Variants in GLIS1 observed in about 807,000 individuals in gnomAD.
GLIS1 encodes the protein GLIS family zinc finger 1.
GLIS1 carries 24 observed loss-of-function variants against 63.8 expected under a neutral mutation model. The ratio of observed to expected loss-of-function variants is 0.38; its 90% CI spans 0.27 to 0.53. The LOEUF is 0.53. Ranked by LOEUF, GLIS1 falls within the 20% of genes least tolerant of loss-of-function variation. The probability of loss-of-function intolerance (pLI) is 0.85; values close to 1 mark genes in which losing one functional copy is unlikely to be tolerated. For synonymous variants in GLIS1, 450 were observed against 482.5 expected (o/e 0.93, Z 0.88); for missense variants, 1,036 against 1,074.1 (o/e 0.96, Z 0.50).
chr1:53,738,702 C>T (rs1033677834), intron 1 of GLIS1, among the ~76,000 whole-genome samples: 1 of 152,232 alleles, frequency 6.6e-6, no homozygotes, highest in Non-Finnish European at 1.5e-5. Flanking sequence ...GCGAACCCAT[C>T]ACGCGCAGCC....
chr1:53,726,911 C>T (rs1010238927), intron 2 of GLIS1, among the ~76,000 whole-genome samples: 3 of 152,250 alleles, frequency 2.0e-5, no homozygotes, highest in African/African-American at 7.2e-5. Context: ...AGGCCTGGGA[C>T]CTAGCCCAGC....
intron 4 of GLIS1, among the ~76,000 whole-genome samples, chr1:53,582,825 A>G (rs1645098995): frequency 6.6e-6 from 1 of 152,340 alleles, no homozygotes; most frequent in Non-Finnish European, 1.5e-5. Flanking sequence ...AAATGTGAAG[A>G]TCCAGGCAGT....
chr1:53,633,504 G>A (rs1645692222), intron 2 of GLIS1, among the ~76,000 whole-genome samples: 1 of 151,702 alleles, frequency 6.6e-6, no homozygotes, highest in Non-Finnish European at 1.5e-5. Flanking sequence ...GCTGAGGGGT[G>A]TGAATGAGTG....
chr1:53,735,908 C>G (rs539577985), intron 2 of GLIS1, among the ~76,000 whole-genome samples: 1 of 152,244 alleles, frequency 6.6e-6, no homozygotes, highest in East Asian at 1.9e-4. Flanking sequence ...ACACAGAGGC[C>G]AGCAGGGAAA....
chr1:53,507,551 T>C (rs1644247944), intron 10 of GLIS1, among the ~76,000 whole-genome samples: 1 of 152,208 alleles, frequency 6.6e-6, no homozygotes, highest in Non-Finnish European at 1.5e-5. Context: ...CATGCATTTG[T>C]GTGGCCTAAG....
intron 2 of GLIS1, among the ~76,000 whole-genome samples, chr1:53,688,251 G>A (rs893408177): frequency 6.6e-6 from 1 of 152,360 alleles, no homozygotes; most frequent in African/African-American, 2.4e-5. Context: ...CCAGGAATGC[G>A]AGTGTGGGCT....
chr1:53,664,109 T>C (rs1646062225), intron 2 of GLIS1, among the ~76,000 whole-genome samples: 2 of 152,172 alleles, frequency 1.3e-5, no homozygotes, highest in South Asian at 2.1e-4. Flanking sequence ...AAAATAACCC[T>C]GACAGGATCC....
At chr1:53,561,956 T>C (rs569661455) in intron 4 of GLIS1, among the ~76,000 whole-genome samples, 3 of 152,212 alleles carry the variant, frequency 2.0e-5, no homozygotes, top group Non-Finnish European at 4.4e-5. Context: ...CAGGCTCATT[T>C]GTCCACAGAG....
At chr1:53,725,539 G>A (rs1021963387) in intron 2 of GLIS1, among the ~76,000 whole-genome samples, 17 of 152,162 alleles carry the variant, frequency 1.1e-4, no homozygotes, top group African/African-American at 4.1e-4. Context: ...TGCTGATGCC[G>A]CACAGAGGCC....
chr1:53,540,507 T>G (rs1277648066), intron 4 of GLIS1, among the ~76,000 whole-genome samples: 1 of 152,136 alleles, frequency 6.6e-6, no homozygotes, highest in African/African-American at 2.4e-5. Context: ...GGTGTCCTCC[T>G]GCGGTGGACA....
At chr1:53,518,845 G>T in intron 7 of GLIS1, among the ~76,000 whole-genome samples, 1 of 152,340 alleles carries the variant, frequency 6.6e-6, no homozygotes, top group East Asian at 1.9e-4. Flanking sequence ...GTCCCTTCTC[G>T]CTGGGACAAG....
At chr1:53,637,055 C>G (rs1160608111) in intron 2 of GLIS1, among the ~76,000 whole-genome samples, 1 of 152,170 alleles carries the variant, frequency 6.6e-6, no homozygotes, top group Non-Finnish European at 1.5e-5. Flanking sequence ...GCTGCCTCCT[C>G]AGTGGGGCCT....
intron 4 of GLIS1, among the ~76,000 whole-genome samples, chr1:53,537,325 C>T (rs1450696431): frequency 6.6e-6 from 1 of 152,212 alleles, no homozygotes; most frequent in Admixed American, 6.5e-5. Flanking sequence ...TAAGAGCATG[C>T]AGGGGAGCCC....
rs1387609848 is a variant in GLIS1 at position 53,650,846 on chromosome 1, C to T, written c.260-50568G>A. ...TGCAATTCTCTCCTCAGGCTTACAC[C>T]TAGTTTTGGCTGGCACTGGCCTAAT... is the stretch of plus-strand genomic sequence containing the variant. On this transcript the variant is annotated intron_variant, in intron 2 of 10. Transcript: ENST00000628545. Among the ~76,000 whole-genome samples the T allele has an allele frequency of 2.0e-5, 3 of 152,200 alleles. No individual in the cohort carries two copies. The East Asian group carries it at 5.8e-4, about 29-fold the overall frequency.
At position 53,575,195 on chromosome 1, in the gene GLIS1, C is replaced by T. The variant is rs561760641; in HGVS notation, c.1320+18913G>A. On this transcript the variant is annotated intron_variant, in intron 4 of 10. Transcript: ENST00000628545. ...ACGGAGCACAGATTGCAATTAACAT[C>T]CCGGCTGCCTATGGGCGCTGGCCCT... Among the ~76,000 whole-genome samples the T allele has an allele frequency of 1.1e-4, 17 of 152,312 alleles. No homozygotes were observed. In the East Asian group the frequency reaches 2.9e-3, roughly 26 times the overall value.
Position 53,510,040 on chromosome 1 carries a change from G to A in GLIS1, c.1884-13C>T, listed in dbSNP as rs1347732995. The A allele has an allele frequency of 2.4e-6, 3 of 1,258,614 alleles. No homozygotes were observed. Among genetic ancestry groups the A allele is most frequent in the Non-Finnish European group, 3.0e-6 (3 of 993,888 alleles). 78.0% of individuals were successfully genotyped at this position (1,258,614 alleles called of 1,614,324 possible). On this transcript the variant is annotated splice_polypyrimidine_tract_variant and intron_variant, in intron 8 of 10. Coordinates refer to ENST00000628545, the MANE Select transcript of GLIS1 (RefSeq NM_001367484.1). Reference sequence around the variant, plus strand: ...GCCGGGCCCCAACCTGGAGAGAACAGAGGTGCCCATCAGCAGGCAGGGGTC... The same window carrying A: ...GCCGGGCCCCAACCTGGAGAGAACAAAGGTGCCCATCAGCAGGCAGGGGTC...
At chr1:53,640,406 ACT>A (rs1426389275) in intron 2 of GLIS1, among the ~76,000 whole-genome samples, 2 of 152,020 alleles carry the variant, frequency 1.3e-5, no homozygotes, top group East Asian at 3.9e-4. Flanking sequence ...CAGGCAAGTG[ACT>A]CTACACCGTT....
chr1:53,721,451 C>T (rs1421667219), intron 2 of GLIS1, among the ~76,000 whole-genome samples: 2 of 152,072 alleles, frequency 1.3e-5, no homozygotes, highest in Admixed American at 1.3e-4. Context: ...GTTTAGCTTC[C>T]ACTGTTTTTA....
At chr1:53,649,391 TGTGA>T (rs1645881850) in intron 2 of GLIS1, among the ~76,000 whole-genome samples, 1 of 152,348 alleles carries the variant, frequency 6.6e-6, no homozygotes, top group Admixed American at 6.5e-5. Context: ...GCTCAAGTGT[TGTGA>T]GTATCTGTGA....
Sources: allele counts gnomAD v4.1 joint callset (sites outside exome capture counted in the v4.1 genomes callset), GRCh38; gene constraint gnomAD v4.1.1; transcripts MANE v1.5; gene names NCBI Gene and HGNC (gene_info 2026-07-23, HGNC 2026-07-21).